The following NCOR2 variants were observed in gnomAD, a reference collection of about 807,000 sequenced individuals.
NCOR2 encodes CTG repeat protein 26.
NCOR2 carries 81 observed loss-of-function variants against 262.9 expected under a neutral mutation model. That is an observed-to-expected ratio of 0.31 (90% CI 0.26 to 0.37). The LOEUF is 0.37. Among genes scored for constraint, NCOR2 ranks in the 10% least tolerant of loss-of-function variants. The pLI, the probability that NCOR2 is intolerant of heterozygous loss-of-function variation, is 1.00. For missense variants in NCOR2, 3,385 were observed against 3,621.4 expected, an observed-to-expected ratio of 0.93 and a Z score of 1.68; for synonymous variants, 1,659 against 1,559.3, an observed-to-expected ratio of 1.06 and a Z score of -1.51.
chr12:124,422,616 C>T (rs1447068002), intron 11 of NCOR2, 61 bp from the exon 14 acceptor site: 8 of 1,598,582 alleles, frequency 5.0e-6, no homozygotes, highest in East Asian at 4.5e-5. Context: ...GCGGGGCAGC[C>T]GATCGGCTCC....
At chr12:124,373,494 G>A (rs999796147) in intron 19 of NCOR2, among the ~76,000 whole-genome samples, 175 of 74,466 alleles carry the variant, frequency 2.4e-3, no homozygotes, top group East Asian at 0.021. Context: ...ACAGTGGACA[G>A]TGAGGCCAGT....
At chr12:124,424,542 C>T (rs2043422306) in intron 11 of NCOR2, among the ~76,000 whole-genome samples, 1 of 152,132 alleles carries the variant, frequency 6.6e-6, no homozygotes, top group East Asian at 1.9e-4. Flanking sequence ...GACGTTTCAA[C>T]ATTTCCATAA....
chr12:124,346,993 C>A, intron 30 of NCOR2, 143 bp from the exon 33 acceptor site: 1 of 1,004,396 alleles, frequency 1.0e-6, no homozygotes, highest in Non-Finnish European at 1.4e-6. Flanking sequence ...TCTGACCTCT[C>A]TGGGCCTCAG....
intron 7 of NCOR2, among the ~76,000 whole-genome samples, chr12:124,441,793 A>G (rs2044827371): frequency 6.6e-6 from 1 of 152,172 alleles, no homozygotes; most frequent in African/African-American, 2.4e-5. Flanking sequence ...GACAGCGGAG[A>G]CCTAGGGCAG....
chr12:124,421,119 C>T (rs932028369), intron 12 of NCOR2, among the ~76,000 whole-genome samples: 4 of 152,274 alleles, frequency 2.6e-5, no homozygotes, highest in South Asian at 2.1e-4. Flanking sequence ...CAGCTGCCCC[C>T]GCAGACGGGC....
At chr12:124,348,014 G>A in intron 29 of NCOR2, 103 bp from the exon 32 acceptor site, 1 of 1,455,368 alleles carries the variant, frequency 6.9e-7, no homozygotes, top group Non-Finnish European at 9.4e-7. Flanking sequence ...TCCCCACGAT[G>A]ATGGTGGAGT....
chr12:124,400,435 T>G (rs2041933056), intron 15 of NCOR2, 66 bp downstream of exon 17: 5 of 1,570,314 alleles, frequency 3.2e-6, no homozygotes, highest in Non-Finnish European at 4.3e-6. Flanking sequence ...CACGAAACTT[T>G]CATATGAGCG....
chr12:124,513,227 CA>C (rs1287858727), intron 1 of NCOR2: 1 of 152,244 alleles, frequency 6.6e-6, no homozygotes, highest in Non-Finnish European at 1.5e-5. Context: ...GCCTCAGGAA[CA>C]AAGGGCTCAT....
chr12:124,406,847 C>A (rs1385758276), intron 13 of NCOR2, among the ~76,000 whole-genome samples: 1 of 152,196 alleles, frequency 6.6e-6, no homozygotes. Context: ...TGTGCAGAAG[C>A]CCCAGACTGG....
rs560363595 is a variant in NCOR2 at position 124,517,446 on chromosome 12, T to C, written c.-118+18119A>G. Among the ~76,000 whole-genome samples the C allele has an allele frequency of 6.6e-5, 10 of 152,320 alleles. No homozygotes were observed. In the East Asian group the frequency reaches 1.5e-3, roughly 24 times the overall value. ...TCCCGGCTCCTCGCTGCCAAGTCCC[T>C]GGGCAAGCCTGGGCCGGTGGCGCTG... is the stretch of plus-strand genomic sequence containing the variant. On this transcript the variant is annotated intron_variant, in intron 1 of 46. Coordinates refer to the NCOR2 transcript ENST00000404621. This position sits in a 1 kb window ranked among gnomAD's most constrained non-coding sequence, Gnocchi z 7.6.
intron 6 of NCOR2, among the ~76,000 whole-genome samples, chr12:124,452,293 C>T (rs185863275): frequency 3.5e-4 from 54 of 152,350 alleles, no homozygotes; most frequent in African/African-American, 1.3e-3. Context: ...TGCTGTAACC[C>T]GGGCAACCAC....
chr12:124,530,813 G>A (rs1471331666), intron 1 of NCOR2, among the ~76,000 whole-genome samples: 1 of 152,226 alleles, frequency 6.6e-6, no homozygotes, highest in Non-Finnish European at 1.5e-5. Context: ...ACCAGCTGCA[G>A]GCCCCAGCAT....
At chr12:124,364,787 T>C (rs2038891778) in intron 20 of NCOR2, among the ~76,000 whole-genome samples, 1 of 152,224 alleles carries the variant, frequency 6.6e-6, no homozygotes, top group Non-Finnish European at 1.5e-5. Flanking sequence ...CCAGTGTGGC[T>C]GCCCGGGGCT....
chr12:124,357,800 G>C (rs1482570705), intron 22 of NCOR2, among the ~76,000 whole-genome samples: 1 of 151,884 alleles, frequency 6.6e-6, no homozygotes, highest in Non-Finnish European at 1.5e-5. Context: ...TGATGTGTGT[G>C]TGTGTGTGCG....
At chr12:124,431,719 T>A (rs2043952874) in intron 8 of NCOR2, among the ~76,000 whole-genome samples, 1 of 143,962 alleles carries the variant, frequency 6.9e-6, no homozygotes. Context: ...CACAGTCACA[T>A]ACACACATGC....
exon 8 of NCOR2, chr12:124,437,956 T>G (rs1371385013): frequency 6.2e-7 from 1 of 1,612,436 alleles, no homozygotes; most frequent in Non-Finnish European, 8.5e-7. Context: ...TGATTCCTCC[T>G]CTTGAAGTAC....
chr12:124,484,568 A>G (rs2047675354), intron 2 of NCOR2, among the ~76,000 whole-genome samples: 1 of 152,182 alleles, frequency 6.6e-6, no homozygotes, highest in Non-Finnish European at 1.5e-5. Flanking sequence ...CCTCCTGCAC[A>G]AGCCCTGCCT....
Position 124,566,688 on chromosome 12 carries a change from G to C in NCOR2, c.-165+620C>G, listed in dbSNP as rs188034900. 2.0e-5 allele frequency among the ~76,000 whole-genome samples: 3 copies of C among 152,352 alleles called. No individual in the cohort carries two copies. Among genetic ancestry groups the C allele is most frequent in the Middle Eastern group, 3.4e-3 (1 of 294 alleles). On this transcript the variant is annotated intron_variant, in intron 1 of 32. Transcript: ENST00000458234. The surrounding 1 kb of genome is among the most constrained non-coding windows in gnomAD (Gnocchi z 4.3). ...GGCCCAATGAGGCGTCACCAGCCACGGGAGGCAGGCCCAGACACCAGGAAC... is the reference window on the plus strand; with the variant it reads ...GGCCCAATGAGGCGTCACCAGCCACCGGAGGCAGGCCCAGACACCAGGAAC...
At chr12:124,387,850 G>A (rs1190642071) in intron 16 of NCOR2, among the ~76,000 whole-genome samples, 1 of 152,188 alleles carries the variant, frequency 6.6e-6, no homozygotes, top group Non-Finnish European at 1.5e-5. Context: ...CCGGCACCCG[G>A]GTGGGAGAGG....
Sources: gnomAD v4.1 joint callset for allele counts (sites outside exome capture counted in the v4.1 genomes callset) on GRCh38, gnomAD v4.1.1 for gene constraint, Gnocchi (gnomAD v3.1) non-coding constraint, MANE v1.5 for transcripts, NCBI Gene and HGNC (gene_info 2026-07-23, HGNC 2026-07-21) for gene names.